Variants in CNBD1 observed in about 807,000 individuals in gnomAD.
CNBD1 encodes cyclic nucleotide binding domain containing 1.
Under a neutral mutation model 54.4 loss-of-function variants are expected in CNBD1, and 71 were observed. The ratio of observed to expected loss-of-function variants is 1.30; its 90% CI spans 1.08 to 1.59. The LOEUF is 1.59. Among genes scored for constraint, CNBD1 ranks in the 40% most tolerant of loss-of-function variants. CNBD1 has a pLI of 0.00. For synonymous variants in CNBD1, 182 were observed against 170.7 expected (o/e 1.07, Z -0.51); for missense variants, 659 against 518.0 (o/e 1.27, Z -2.64).
Position 87,367,442 on chromosome 8 carries a change from T to C in CNBD1, c.1303+13656T>C. On this transcript the variant is annotated intron_variant, in intron 10 of 10. Transcript: ENST00000518476. The stretch of plus-strand genomic sequence containing the variant: ...GATGGTGAAGCTTAGAACAGAACTC[T>C]TCGAGAAATCTGCTTCAAAAATCTT... Among the ~76,000 whole-genome samples the C allele has an allele frequency of 1.3e-5, 2 of 152,086 alleles. 1 individual carries two copies. Among genetic ancestry groups the C allele is most frequent in the South Asian group, 4.1e-4 (2 of 4,832 alleles).
At chr8:86,997,878 C>A (rs1880473) in intron 4 of CNBD1, among the ~76,000 whole-genome samples, 25,579 of 151,996 alleles carry the variant, frequency 0.17, 2,256 homozygotes, top group East Asian at 0.27. Context: ...TGAATTCTCC[C>A]CTATAAGAAG....
chr8:87,079,565 A>G (rs1470648087), intron 4 of CNBD1, among the ~76,000 whole-genome samples: 2 of 152,070 alleles, frequency 1.3e-5, no homozygotes, highest in Non-Finnish European at 2.9e-5. Flanking sequence ...TTCTCTCATA[A>G]TCCTTGATAT....
intron 2 of CNBD1, among the ~76,000 whole-genome samples, chr8:87,418,778 A>T (rs1807877949): frequency 6.6e-6 from 1 of 151,964 alleles, no homozygotes. Flanking sequence ...CCAATAGGAT[A>T]TCAAAATATA....
intron 4 of CNBD1, among the ~76,000 whole-genome samples, chr8:86,959,642 G>A (rs909265077): frequency 1.3e-5 from 2 of 151,820 alleles, no homozygotes; most frequent in Non-Finnish European, 2.9e-5. Flanking sequence ...TGATTGAATC[G>A]GCTACTAAAG....
chr8:86,958,272 G>A (rs1192996984), intron 4 of CNBD1, among the ~76,000 whole-genome samples: 1 of 152,184 alleles, frequency 6.6e-6, no homozygotes, highest in Non-Finnish European at 1.5e-5. Flanking sequence ...TTTGGAATAG[G>A]TCAGATGTGC....
chr8:87,403,248 TG>T (rs1807598575), intron 2 of CNBD1, among the ~76,000 whole-genome samples: 2 of 152,050 alleles, frequency 1.3e-5, no homozygotes, highest in African/African-American at 2.4e-5. Context: ...AGCAAGAGGT[TG>T]GGCTGTACAT....
Position 87,191,383 on chromosome 8 carries a change from C to T in CNBD1, c.432-14610C>T, listed in dbSNP as rs142594439. Reference sequence around the variant, plus strand: ...TGCACTGGCAGCAGATAGGATGGTGCCCACCCAAATTGAGGGTGGGTCTTC... The same window carrying T: ...TGCACTGGCAGCAGATAGGATGGTGTCCACCCAAATTGAGGGTGGGTCTTC... On this transcript the variant is annotated intron_variant, in intron 4 of 10. Transcript: ENST00000518476. 5.9e-3 allele frequency among the ~76,000 whole-genome samples: 903 copies of T among 152,234 alleles called. 10 individuals are homozygous for T. Among genetic ancestry groups the T allele is most frequent in the Middle Eastern group, 0.027 (8 of 294 alleles).
intron 4 of CNBD1, among the ~76,000 whole-genome samples, chr8:87,180,122 G>C (rs1813281836): frequency 1.3e-5 from 2 of 151,844 alleles, no homozygotes; most frequent in Admixed American, 1.3e-4. Flanking sequence ...TAGAAGCCAA[G>C]ATACACATGA....
chr8:87,407,746 T>C (rs4129318), intron 2 of CNBD1, among the ~76,000 whole-genome samples: 2,287 of 152,162 alleles, frequency 0.015, 58 homozygotes, highest in African/African-American at 0.049. Context: ...CCTTGCAGAA[T>C]AATAAGGTTA....
chr8:87,071,972 T>A (rs988342883), intron 4 of CNBD1, among the ~76,000 whole-genome samples: 9 of 152,278 alleles, frequency 5.9e-5, no homozygotes, highest in Non-Finnish European at 4.4e-5. Flanking sequence ...TCTAAGAACT[T>A]GCTTTATGAA....
At chr8:86,990,946 A>G (rs1808731616) in intron 4 of CNBD1, among the ~76,000 whole-genome samples, 1 of 151,988 alleles carries the variant, frequency 6.6e-6, no homozygotes, top group Non-Finnish European at 1.5e-5. Context: ...ATGTGTGGCT[A>G]TTGTACATGG....
rs1291312939 is a variant in CNBD1 at position 87,382,806 on chromosome 8, C to T, written c.*179C>T. 6.7e-6 allele frequency: 3 copies of T among 450,868 alleles called. No homozygotes were observed. The highest frequency in any genetic ancestry group is 3.9e-5 in the African/African-American group (2 of 50,762). 27.9% of individuals were successfully genotyped at this position (450,868 alleles called of 1,614,324 possible). A position where few individuals can be genotyped will look rare whatever the true frequency, so the allele number is the denominator to read the frequency against. ...GCCTTTCAAACACAGTTTTTATTAGCAGTCTTTCTTGGTTTGGATACTAAA... is the reference window on the plus strand; with the variant it reads ...GCCTTTCAAACACAGTTTTTATTAGTAGTCTTTCTTGGTTTGGATACTAAA... On this transcript the variant is annotated 3_prime_UTR_variant, in exon 11 of 11. Coordinates refer to ENST00000518476, the MANE Select transcript of CNBD1 (RefSeq NM_173538.3).
intron 4 of CNBD1, among the ~76,000 whole-genome samples, chr8:87,032,966 A>G (rs963959760): frequency 2.0e-5 from 3 of 152,016 alleles, no homozygotes; most frequent in Admixed American, 6.5e-5. Flanking sequence ...GAAACCCTTC[A>G]TCCCACTCCC....
intron 4 of CNBD1, among the ~76,000 whole-genome samples, chr8:87,177,283 TATAG>T (rs138482792): frequency 0.011 from 1,654 of 152,292 alleles, 30 homozygotes; most frequent in African/African-American, 0.035. Flanking sequence ...ATTGCAATTG[TATAG>T]ATAGTTTTGC....
chr8:87,373,030 T>C (rs1810850085), intron 10 of CNBD1, among the ~76,000 whole-genome samples: 1 of 151,950 alleles, frequency 6.6e-6, no homozygotes, highest in African/African-American at 2.4e-5. Flanking sequence ...TTTTTTATTA[T>C]AGTAGTTAGA....
intron 4 of CNBD1, among the ~76,000 whole-genome samples, chr8:87,017,323 A>G (rs1809376002): frequency 6.6e-6 from 1 of 152,228 alleles, no homozygotes; most frequent in Non-Finnish European, 1.5e-5. Flanking sequence ...CTATAAAACC[A>G]AAGACATGTA....
chr8:86,984,910 G>C (rs1006819434), intron 4 of CNBD1, among the ~76,000 whole-genome samples: 4 of 152,130 alleles, frequency 2.6e-5, no homozygotes, highest in African/African-American at 9.7e-5. Context: ...CTGTTGGGAA[G>C]GCATGATTGG....
chr8:86,995,274 G>A (rs2130535168), intron 4 of CNBD1, among the ~76,000 whole-genome samples: 1 of 152,340 alleles, frequency 6.6e-6, no homozygotes, highest in Non-Finnish European at 1.5e-5. Context: ...CAGAAACCAT[G>A]AACCAGGGGC....
intron 5 of CNBD1, among the ~76,000 whole-genome samples, chr8:87,216,351 A>G (rs1814211137): frequency 6.6e-6 from 1 of 152,222 alleles, no homozygotes; most frequent in South Asian, 2.1e-4. Context: ...AAATTAGCAT[A>G]TCAGAGACAT....
Sources: allele counts gnomAD v4.1 joint callset (sites outside exome capture counted in the v4.1 genomes callset), GRCh38; gene constraint gnomAD v4.1.1; transcripts MANE v1.5; gene names NCBI Gene and HGNC (gene_info 2026-07-23, HGNC 2026-07-21).